Variants in COPG2 observed in about 807,000 individuals in gnomAD.
COPG2 encodes coatomer subunit gamma-2.
COPG2 carries 37 observed loss-of-function variants against 46.3 expected under a neutral mutation model. That is an observed-to-expected ratio of 0.80 (90% CI 0.61 to 1.05). The LOEUF (loss-of-function observed/expected upper bound fraction) is 1.05. COPG2 is among the 50% of genes least tolerant of loss of function. The pLI is 0.00. For synonymous variants in COPG2, 159 were observed against 129.7 expected, an observed-to-expected ratio of 1.23 and a Z score of -1.53; for missense variants, 427 against 387.8, an observed-to-expected ratio of 1.10 and a Z score of -0.85.
chr7:130,619,609 C>A (rs1359100913), intron 5 of COPG2, among the ~76,000 whole-genome samples: 1 of 152,174 alleles, frequency 6.6e-6, no homozygotes, highest in Non-Finnish European at 1.5e-5. Flanking sequence ...TTTAACCCTA[C>A]TTCTATAATT....
chr7:130,665,026 T>C (rs1005222004), intron 3 of COPG2, among the ~76,000 whole-genome samples: 12 of 151,764 alleles, frequency 7.9e-5, no homozygotes, highest in African/African-American at 2.2e-4. Context: ...ACTAAAAATA[T>C]AAAAATTAGC....
At chr7:130,603,417 G>A (rs1026113224) in intron 9 of COPG2, among the ~76,000 whole-genome samples, 3 of 151,784 alleles carry the variant, frequency 2.0e-5, no homozygotes, top group African/African-American at 2.4e-5. Context: ...TAGACATTTG[G>A]ACTGCTTCCA....
intron 20 of COPG2, among the ~76,000 whole-genome samples, chr7:130,544,823 T>C (rs1793408346): frequency 6.6e-6 from 1 of 152,142 alleles, no homozygotes. Flanking sequence ...AGATAATAAG[T>C]AGGACTAGTT....
At chr7:130,652,803 G>T in intron 5 of COPG2, 66 bp downstream of exon 5, 1 of 987,726 alleles carries the variant, frequency 1.0e-6, no homozygotes, top group Non-Finnish European at 1.6e-6. Flanking sequence ...GTCAAAAAAT[G>T]AAATCAACAG....
intron 9 of COPG2, among the ~76,000 whole-genome samples, chr7:130,578,386 C>T (rs1227739328): frequency 4.0e-5 from 6 of 149,466 alleles, no homozygotes; most frequent in Non-Finnish European, 7.4e-5. Context: ...GATAAAACCA[C>T]AAAGATGGGG....
intron 18 of COPG2, 61 bp from the exon 19 acceptor site, chr7:130,548,603 T>C (rs1793482691): frequency 2.5e-6 from 1 of 397,640 alleles, no homozygotes; most frequent in Admixed American, 4.4e-5. Flanking sequence ...GTCTGGATGC[T>C]TAAAAAATGC....
Position 130,613,646 on chromosome 7 carries a change from T to C in COPG2, c.400-10A>G, listed in dbSNP as rs1384885559. On this transcript the variant is annotated splice_polypyrimidine_tract_variant and intron_variant, in intron 6 of 23. Coordinates refer to ENST00000425248, the MANE Select transcript of COPG2 (RefSeq NM_012133.6). ...CTTGCAACATTGTTCCCTAATAACA[T>C]TCAAAAAGAAAAAATTGTTAAGGAA... 4 of 1,565,270 alleles carry C rather than the reference T, an allele frequency of 2.6e-6. No homozygotes were observed. The highest frequency in any genetic ancestry group is 2.6e-6 in the Non-Finnish European group (3 of 1,147,328).
At position 130,652,867 on chromosome 7, in the gene COPG2, A is replaced by G; in HGVS notation, c.323+2T>C. On this transcript the variant is annotated splice_donor_variant, in intron 5 of 23. Coordinates refer to ENST00000425248, the MANE Select transcript of COPG2 (RefSeq NM_012133.6). LOFTEE classifies it high-confidence loss of function. The stretch of plus-strand genomic sequence containing the variant: ...CATCCTAGATTTTGACCATTTACAT[A>G]CCTGCTTGTGACAATTATCACATCC... 6.3e-7 allele frequency: 1 copy of G among 1,585,320 alleles called. No homozygotes were observed. The highest frequency in any genetic ancestry group is 1.1e-5 in the South Asian group (1 of 88,106).
chr7:130,550,937 G>A (rs1447183454), intron 16 of COPG2, among the ~76,000 whole-genome samples: 5 of 152,094 alleles, frequency 3.3e-5, no homozygotes, highest in Admixed American at 6.5e-5. Flanking sequence ...AACAATGATA[G>A]CATAAGAAAA....
intron 12 of COPG2, among the ~76,000 whole-genome samples, chr7:130,558,989 T>G (rs1286156967): frequency 6.6e-6 from 1 of 152,002 alleles, no homozygotes; most frequent in Non-Finnish European, 1.5e-5. Context: ...ACTCTAAAAT[T>G]TGAAGGGAAT....
At chr7:130,561,612 G>C (rs1341093430) in intron 11 of COPG2, among the ~76,000 whole-genome samples, 1 of 152,018 alleles carries the variant, frequency 6.6e-6, no homozygotes, top group Non-Finnish European at 1.5e-5. Context: ...AAAAAATACT[G>C]CTGCATTTCA....
chr7:130,622,427 C>T (rs1250853145), intron 5 of COPG2, among the ~76,000 whole-genome samples: 1 of 152,122 alleles, frequency 6.6e-6, no homozygotes, highest in Non-Finnish European at 1.5e-5. Context: ...GCTCATGATG[C>T]CACAGCTGGA....
At chr7:130,525,298 G>T (rs2116351203) in intron 20 of COPG2, among the ~76,000 whole-genome samples, 1 of 152,336 alleles carries the variant, frequency 6.6e-6, no homozygotes, top group Non-Finnish European at 1.5e-5. Context: ...CAGATCTCAT[G>T]TGAAAAGTTG....
intron 5 of COPG2, among the ~76,000 whole-genome samples, chr7:130,626,176 G>A (rs966864661): frequency 6.6e-6 from 1 of 152,048 alleles, no homozygotes; most frequent in Non-Finnish European, 1.5e-5. Flanking sequence ...CAGTCATCTT[G>A]CAGTGCTATA....
chr7:130,536,968 T>C (rs1386374725), intron 20 of COPG2, among the ~76,000 whole-genome samples: 9 of 138,366 alleles, frequency 6.5e-5, no homozygotes, highest in African/African-American at 2.4e-4. Context: ...CTTGAAGACA[T>C]GGGCCTTAAG....
chr7:130,668,575 G>A (rs1796151398), intron 1 of COPG2, 57 bp downstream of exon 1: 1 of 1,454,260 alleles, frequency 6.9e-7, no homozygotes, highest in Non-Finnish European at 9.2e-7. Flanking sequence ...AGGTGGCGGC[G>A]GGCGGGGGAA....
At chr7:130,553,639 G>A (rs1318459167) in intron 14 of COPG2, among the ~76,000 whole-genome samples, 2 of 152,202 alleles carry the variant, frequency 1.3e-5, no homozygotes, top group African/African-American at 4.8e-5. Flanking sequence ...GTTCAGGAAA[G>A]AGACATGACT....
chr7:130,567,105 G>A (rs945454371), intron 9 of COPG2, among the ~76,000 whole-genome samples: 1 of 152,182 alleles, frequency 6.6e-6, no homozygotes, highest in Admixed American at 6.5e-5. Flanking sequence ...AACATCGATA[G>A]AGCTGGAGGC....
At chr7:130,641,033 A>C (rs1416089445) in intron 5 of COPG2, among the ~76,000 whole-genome samples, 2 of 152,074 alleles carry the variant, frequency 1.3e-5, no homozygotes, top group Non-Finnish European at 2.9e-5. Context: ...GGTTAAAAAA[A>C]AAAATCAAGT....
Sources: allele counts gnomAD v4.1 joint callset (sites outside exome capture counted in the v4.1 genomes callset), GRCh38; gene constraint gnomAD v4.1.1; transcripts MANE v1.5; gene names NCBI Gene and HGNC (gene_info 2026-07-23, HGNC 2026-07-21).